IPCEF1: variants seen among roughly 807,000 people sequenced by gnomAD.
IPCEF1 encodes interactor protein for cytohesin exchange factors 1.
IPCEF1 carries 31 observed loss-of-function variants against 50.9 expected under a neutral mutation model. The observed-to-expected ratio is 0.61, with a 90% CI of 0.46 to 0.82. The LOEUF (loss-of-function observed/expected upper bound fraction) is 0.82, where lower values mean the gene tolerates loss of function less well. Ranked by LOEUF, IPCEF1 falls within the 40% of genes least tolerant of loss-of-function variation. The pLI is 0.00. For synonymous variants in IPCEF1, 181 were observed against 192.0 expected, an observed-to-expected ratio of 0.94 and a Z score of 0.47; for missense variants, 458 against 514.0, an observed-to-expected ratio of 0.89 and a Z score of 1.05.
chr6:154,190,166 A>G (rs1340571545), intron 10 of IPCEF1, among the ~76,000 whole-genome samples: 1 of 152,172 alleles, frequency 6.6e-6, no homozygotes, highest in Non-Finnish European at 1.5e-5. Context: ...CCAACATCAC[A>G]TAAGCAAAAA....
intron 5 of IPCEF1, among the ~76,000 whole-genome samples, chr6:154,227,056 G>A (rs1260299724): frequency 2.0e-5 from 3 of 152,036 alleles, no homozygotes; most frequent in African/African-American, 4.8e-5. Flanking sequence ...AAATTAGCCA[G>A]GTGTGGTGGC....
intron 3 of IPCEF1, among the ~76,000 whole-genome samples, chr6:154,257,878 T>C (rs937357507): frequency 6.6e-6 from 1 of 152,182 alleles, no homozygotes; most frequent in Non-Finnish European, 1.5e-5. Flanking sequence ...AATTTTTTAT[T>C]TTTTGGTAGA....
chr6:154,155,795 A>G lies in IPCEF1; in HGVS notation c.*4033T>C, dbSNP rs2128543641. On this transcript the variant is annotated 3_prime_UTR_variant, in exon 12 of 12. Coordinates refer to ENST00000367220, the MANE Select transcript of IPCEF1 (RefSeq NM_001130700.2). ...GACTCTGTCTAAAAAAAGAAAAAAAAAAGTATTTCTTACTAAGAGATAATG... is the reference window on the plus strand; with the variant it reads ...GACTCTGTCTAAAAAAAGAAAAAAAGAAGTATTTCTTACTAAGAGATAATG... 1 of 152,382 alleles carries G rather than the reference A, an allele frequency of 6.6e-6. No homozygotes were observed. The highest frequency in any genetic ancestry group is 2.4e-5 in the African/African-American group (1 of 41,584). 9.4% of individuals were successfully genotyped at this position (152,382 alleles called of 1,614,324 possible). A position where few individuals can be genotyped will look rare whatever the true frequency, so the allele number is the denominator to read the frequency against.
intron 3 of IPCEF1, among the ~76,000 whole-genome samples, chr6:154,250,702 C>T (rs1237319505): frequency 2.6e-5 from 4 of 152,202 alleles, no homozygotes; most frequent in Admixed American, 2.6e-4. Context: ...AGTTGTTAAA[C>T]CTTGCAGGCA....
intron 5 of IPCEF1, among the ~76,000 whole-genome samples, chr6:154,232,288 T>C (rs1162578912): frequency 1.3e-5 from 2 of 152,266 alleles, no homozygotes; most frequent in African/African-American, 2.4e-5. Flanking sequence ...GTGTTTTATT[T>C]TCTTCTAGAT....
At chr6:154,277,631 C>G (rs767966547) in intron 2 of IPCEF1, among the ~76,000 whole-genome samples, 2 of 152,086 alleles carry the variant, frequency 1.3e-5, no homozygotes, top group South Asian at 2.1e-4. Flanking sequence ...AGCATTGGCT[C>G]TTTTATTGGT....
intron 1 of IPCEF1, among the ~76,000 whole-genome samples, chr6:154,317,226 G>A (rs1024620771): frequency 6.6e-6 from 1 of 151,946 alleles, no homozygotes; most frequent in South Asian, 2.1e-4. Flanking sequence ...CCTCCAACTC[G>A]ATAATAAAAT....
chr6:154,293,534 A>T (rs1782564417), intron 1 of IPCEF1, among the ~76,000 whole-genome samples: 1 of 152,234 alleles, frequency 6.6e-6, no homozygotes, highest in Non-Finnish European at 1.5e-5. Flanking sequence ...AAAGCAAAAG[A>T]GCAATTAGAG....
chr6:154,335,367 A>G, intron 1 of IPCEF1, among the ~76,000 whole-genome samples: 1 of 152,208 alleles, frequency 6.6e-6, no homozygotes, highest in East Asian at 1.9e-4. Flanking sequence ...GGAATGGATA[A>G]TCACTTTCCT....
At chr6:154,291,921 G>C (rs1357834667) in intron 1 of IPCEF1, among the ~76,000 whole-genome samples, 1 of 152,000 alleles carries the variant, frequency 6.6e-6, no homozygotes, top group Non-Finnish European at 1.5e-5. Flanking sequence ...CTGACCTCGT[G>C]ATCCACCCGC....
intron 1 of IPCEF1, among the ~76,000 whole-genome samples, chr6:154,311,919 G>A (rs1422584237): frequency 3.3e-5 from 5 of 152,108 alleles, no homozygotes; most frequent in Admixed American, 6.6e-5. Flanking sequence ...ATACAACTAC[G>A]ATATGGGCCA....
intron 3 of IPCEF1, among the ~76,000 whole-genome samples, chr6:154,260,308 AC>A (rs2128651138): frequency 6.6e-6 from 1 of 152,292 alleles, no homozygotes; most frequent in South Asian, 2.1e-4. Flanking sequence ...TATATACGTA[AC>A]TTTTTGTTTC....
intron 1 of IPCEF1, among the ~76,000 whole-genome samples, chr6:154,354,635 C>T (rs985996943): frequency 6.6e-6 from 1 of 152,046 alleles, no homozygotes; most frequent in Non-Finnish European, 1.5e-5. Context: ...ACTTCCAACA[C>T]CACCCCCTTT....
At chr6:154,245,857 C>T (rs7755659) in intron 5 of IPCEF1, among the ~76,000 whole-genome samples, 127,904 of 152,220 alleles carry the variant, frequency 0.84, 54,570 homozygotes, top group Middle Eastern at 0.88. Flanking sequence ...ATTCAGGTCA[C>T]GAAAGATCAG....
chr6:154,265,920 T>C lies in IPCEF1; in HGVS notation c.28A>G (p.Ser10Gly). The C allele has an allele frequency of 6.2e-7, 1 of 1,601,716 alleles. No homozygotes were observed. The highest frequency in any genetic ancestry group is 1.7e-5 in the Admixed American group (1 of 58,170). Reference protein sequence around the residue: MTSYMAIDGSALQVPLRQKP... With the variant: MTSYMAIDGGALQVPLRQKP... ...TTCCAAAGGATACTTACAAGAGCACTGCCATCAATAGCCATGTATGATGTC... is the reference window on the plus strand; with the variant it reads ...TTCCAAAGGATACTTACAAGAGCACCGCCATCAATAGCCATGTATGATGTC... The change falls in exon 3 of 12, where the codon AGT (serine) becomes GGT (glycine). Residue 10 changes from serine (S) to glycine (G), a missense_variant. Ser to Gly is a moderately conservative substitution (Grantham distance 56, BLOSUM62 0). Transcript: ENST00000367220.
intron 9 of IPCEF1, among the ~76,000 whole-genome samples, chr6:154,212,261 A>C (rs1184778046): frequency 6.6e-6 from 1 of 152,180 alleles, no homozygotes; most frequent in African/African-American, 2.4e-5. Flanking sequence ...GCTTAGAATC[A>C]AATTTGAATT....
chr6:154,290,372 C>T (rs1782482889), intron 1 of IPCEF1, among the ~76,000 whole-genome samples: 1 of 152,170 alleles, frequency 6.6e-6, no homozygotes, highest in African/African-American at 2.4e-5. Context: ...AACCCCTGTA[C>T]CATGCTGATG....
intron 10 of IPCEF1, among the ~76,000 whole-genome samples, chr6:154,169,436 A>C (rs1024507318): frequency 6.6e-6 from 1 of 152,096 alleles, no homozygotes. Context: ...CTGAGACAAA[A>C]TTCATCTCCA....
rs146360379 is a variant in IPCEF1 at position 154,220,086 on chromosome 6, G to T, written c.392+1171C>A. Among the ~76,000 whole-genome samples the T allele has an allele frequency of 1.6e-3, 242 of 152,056 alleles. 2 individuals are homozygous for T. The highest frequency in any genetic ancestry group is 5.6e-3 in the African/African-American group (232 of 41,458). On this transcript the variant is annotated intron_variant, in intron 7 of 11. Coordinates refer to ENST00000367220, the MANE Select transcript of IPCEF1 (RefSeq NM_001130700.2). ...TTTTTTCTTCATGTTTCTAGAGCAA[G>T]AGAGCAATGAGAACTACATAGGGCA...
Sources: allele counts gnomAD v4.1 joint callset (sites outside exome capture counted in the v4.1 genomes callset), GRCh38; gene constraint gnomAD v4.1.1; transcripts MANE v1.5; gene names NCBI Gene and HGNC (gene_info 2026-07-23, HGNC 2026-07-21).